The following TASL variants were observed in gnomAD, a reference collection of about 807,000 sequenced individuals.
TASL encodes TLR adapter interacting with SLC15A4 on the lysosome.
A neutral mutation model predicts 12.9 loss-of-function variants in TASL; 6 were observed. That is an observed-to-expected ratio of 0.46 (90% CI 0.25 to 0.92). The LOEUF (loss-of-function observed/expected upper bound fraction) is 0.92, where lower values mean the gene tolerates loss of function less well. Among genes scored for constraint, TASL ranks in the 40% least tolerant of loss-of-function variants. The pLI is 0.17. For missense variants in TASL, 165 were observed against 212.8 expected, an observed-to-expected ratio of 0.78 and a Z score of 1.40; for synonymous variants, 85 against 79.3, an observed-to-expected ratio of 1.07 and a Z score of -0.38.
intron 2 of TASL, among the ~76,000 whole-genome samples, chrX:30,563,306 C>T (rs1255572587): frequency 8.9e-6 from 1 of 111,880 alleles, no homozygotes; most frequent in Non-Finnish European, 1.9e-5. Context: ...GATTGTGTTT[C>T]CTGAGGCTCC....
intron 2 of TASL, among the ~76,000 whole-genome samples, chrX:30,561,810 T>TA (rs201843319): frequency 0.01 from 1,110 of 108,090 alleles, 15 homozygotes; most frequent in African/African-American, 0.036. Context: ...CTAAAGGTCT[T>TA]CAACAAATCC....
intron 2 of TASL, among the ~76,000 whole-genome samples, chrX:30,571,266 G>GAAAGAA (rs760888220): frequency 5.6e-5 from 2 of 35,947 alleles, no homozygotes; most frequent in African/African-American, 1.6e-4. Flanking sequence ...GAGAAAGAAA[G>GAAAGAA]AAAGAAAGAA....
At position 30,559,292 on chromosome X, in the gene TASL, T is replaced by G; in HGVS notation, c.*158A>C. 3 of 424,970 alleles carry G rather than the reference T, an allele frequency of 7.1e-6. No individual in the cohort carries two copies. The highest frequency in any genetic ancestry group is 1.2e-5 in the Non-Finnish European group (3 of 245,174). 35.0% of individuals were successfully genotyped at this position (424,970 alleles called of 1,213,427 possible). On this transcript the variant is annotated 3_prime_UTR_variant, in exon 3 of 3. Coordinates refer to ENST00000378962, the MANE Select transcript of TASL (RefSeq NM_025159.3). ...TATTCCTTCATCAAGTGTAATATTA[T>G]GAGATTTCTCCATGATTCACACATG...
intron 2 of TASL, among the ~76,000 whole-genome samples, chrX:30,570,792 C>T (rs1008670511): frequency 8.9e-6 from 1 of 111,866 alleles, no homozygotes; most frequent in Non-Finnish European, 1.9e-5. Context: ...AATTTATAAA[C>T]AAAAATACAT....
intron 2 of TASL, among the ~76,000 whole-genome samples, chrX:30,571,280 A>AAGAAAGAAAGAAAGAAAG (rs1930609454): frequency 1.3e-5 from 1 of 79,954 alleles, no homozygotes; most frequent in Admixed American, 1.4e-4. Context: ...GAAAGAAAGA[A>AAGAAAGAAAGAAAGAAAG]AGAAAGAAAG....
chrX:30,562,940 AC>A (rs1465707002), intron 2 of TASL, among the ~76,000 whole-genome samples: 1 of 108,072 alleles, frequency 9.3e-6, no homozygotes, highest in African/African-American at 3.3e-5. Context: ...AAATACACAC[AC>A]AAAAAAAAAA....
At chrX:30,562,951 A>G (rs1911328441) in intron 2 of TASL, among the ~76,000 whole-genome samples, 1 of 109,837 alleles carries the variant, frequency 9.1e-6, no homozygotes, top group South Asian at 3.9e-4. Context: ...CAAAAAAAAA[A>G]CAACAGGAGA....
chrX:30,571,250 AAGAAAG>A (rs1417830186), intron 2 of TASL, among the ~76,000 whole-genome samples: 1 of 47,527 alleles, frequency 2.1e-5, no homozygotes, highest in Non-Finnish European at 3.6e-5. Context: ...GAAAAAGAGA[AAGAAAG>A]AGAAAGAAAG....
At chrX:30,576,368 G>A (rs1024402312) in intron 2 of TASL, among the ~76,000 whole-genome samples, 1 of 111,247 alleles carries the variant, frequency 9.0e-6, no homozygotes, top group African/African-American at 3.3e-5. Flanking sequence ...ATGTGCATGC[G>A]TGTGTGTGAA....
At chrX:30,571,262 G>GAAAGAAAGAAAGAAAGAA in intron 2 of TASL, among the ~76,000 whole-genome samples, 390 of 27,291 alleles carry the variant, frequency 0.014, 24 homozygotes, top group African/African-American at 0.037. Flanking sequence ...GAAAGAGAAA[G>GAAAGAAAGAAAGAAAGAA]AAAGAAAGAA....
chrX:30,560,299 A>G lies in TASL; in HGVS notation c.57T>C (p.Ser19=). 1 of 1,205,749 alleles carries G rather than the reference A, an allele frequency of 8.3e-7. No individual in the cohort carries two copies. The highest frequency in any genetic ancestry group is 1.1e-6 in the Non-Finnish European group (1 of 891,856). The stretch of plus-strand genomic sequence containing the variant: ...CCACCTGCTCATTATAAGAGGCACA[A>G]CTCCAGTGGATGTCATTCCAGTACT... ...GLEYWNDIHW[S]CASYNEQVAG... Residue 19 remains serine (S), a synonymous_variant, in exon 3 of 3, where the codon AGT becomes AGC. Coordinates refer to ENST00000378962, the MANE Select transcript of TASL (RefSeq NM_025159.3).
At chrX:30,568,269 G>T (rs1328978934) in intron 2 of TASL, among the ~76,000 whole-genome samples, 2 of 110,241 alleles carry the variant, frequency 1.8e-5, no homozygotes, top group East Asian at 2.9e-4. Context: ...CTAAGGGGGT[G>T]GGGGGAGAAG....
chrX:30,565,776 G>GT (rs766005529), intron 2 of TASL, among the ~76,000 whole-genome samples: 6 of 110,158 alleles, frequency 5.4e-5, no homozygotes, highest in African/African-American at 1.7e-4. Flanking sequence ...TTGTTTTTTT[G>GT]TTTTTTTGTT....
chrX:30,568,970 CAAA>C (rs58377097), intron 2 of TASL, among the ~76,000 whole-genome samples: 16 of 76,277 alleles, frequency 2.1e-4, no homozygotes, highest in Non-Finnish European at 2.0e-4. Context: ...ACGTCCCCAG[CAAA>C]AAAAAAAAAA....
At position 30,559,753 on chromosome X, in the gene TASL, C is replaced by T; in HGVS notation, c.603G>A (p.Met201Ile). Reference protein sequence around the residue: ...TSIKEKSSLQMQNPISNAVLN... With the variant: ...TSIKEKSSLQIQNPISNAVLN... ...GAACTGCATTAGAAATAGGATTCTG[C>T]ATTTGCAAGCTGCTTTTCTCTTTGA... The change falls in exon 3 of 3, where the codon ATG becomes ATA. Residue 201 changes from methionine (M) to isoleucine (I), a missense_variant. Met to Ile is a conservative substitution (Grantham distance 10). Coordinates refer to ENST00000378962, the MANE Select transcript of TASL (RefSeq NM_025159.3). The T allele has an allele frequency of 8.3e-7, 1 of 1,211,017 alleles. No individual in the cohort carries two copies. The highest frequency in any genetic ancestry group is 1.1e-6 in the Non-Finnish European group (1 of 894,878).
intron 2 of TASL, among the ~76,000 whole-genome samples, chrX:30,574,491 C>G (rs1930679749): frequency 9.0e-6 from 1 of 111,339 alleles, no homozygotes; most frequent in Admixed American, 9.6e-5. Flanking sequence ...ACAGATCCCG[C>G]CCCTTGAAGA....
At position 30,571,266 on chromosome X, in the gene TASL, G is replaced by GAAAGAAAGAA. The variant is rs1930602451; in HGVS notation, c.-2+5476_-2+5485dup. ...AAAAAGAGAAAGAAAGAGAAAGAAAGAAAGAAAGAAAGAAAGAAAGAAAGA... is the reference window on the plus strand; with the variant it reads ...AAAAAGAGAAAGAAAGAGAAAGAAAGAAAGAAAGAAAAAGAAAGAAAGAAAGAAAGAAAGA... On this transcript the variant is annotated intron_variant, in intron 2 of 2. Coordinates refer to ENST00000378962, the MANE Select transcript of TASL (RefSeq NM_025159.3). 1.9e-4 allele frequency among the ~76,000 whole-genome samples: 7 copies of GAAAGAAAGAA among 35,947 alleles called. 1 individual carries two copies. Among genetic ancestry groups the GAAAGAAAGAA allele is most frequent in the East Asian group, 8.6e-4 (1 of 1,161 alleles). 31.2% of individuals were successfully genotyped at this position (35,947 alleles called of 115,157 possible).
In TASL at chrX:30,577,657, C is replaced by T. The variant is rs1018485368; in HGVS notation, c.-136G>A. 3.6e-5 allele frequency: 4 copies of T among 112,069 alleles called. No homozygotes were observed. The highest frequency in any genetic ancestry group is 7.5e-5 in the Non-Finnish European group (4 of 53,254). The allele number at this position is 112,069 out of a possible 1,213,427, so 9.2% of individuals were successfully genotyped here. A position where few individuals can be genotyped will look rare whatever the true frequency, so the allele number is the denominator to read the frequency against. The stretch of plus-strand genomic sequence containing the variant: ...TCTTACCTTCACTAACCAATCTGCT[C>T]ATCTGATCCGGCAGAAACACAGCAA... On this transcript the variant is annotated 5_prime_UTR_variant, in exon 1 of 3. It removes an upstream start codon present in the reference 5' UTR. Transcript: ENST00000378962.
chrX:30,566,103 G>C (rs923879006), intron 2 of TASL, among the ~76,000 whole-genome samples: 1 of 111,071 alleles, frequency 9.0e-6, no homozygotes, highest in Non-Finnish European at 1.9e-5. Context: ...TTGGTTGATC[G>C]CCATTATAGC....
Sources: gnomAD v4.1 joint callset for allele counts (sites outside exome capture counted in the v4.1 genomes callset) on GRCh38, gnomAD v4.1.1 for gene constraint, MANE v1.5 for transcripts, NCBI Gene and HGNC (gene_info 2026-07-23, HGNC 2026-07-21) for gene names.